Variants in DMD observed in about 807,000 individuals in gnomAD.
The protein encoded by DMD is dystrophin, also known as mutant dystrophin.
Under a neutral mutation model 330.1 loss-of-function variants are expected in DMD, and 63 were observed. That is an observed-to-expected ratio of 0.19 (90% CI 0.16 to 0.24). The LOEUF (loss-of-function observed/expected upper bound fraction) is 0.24, where lower values mean the gene tolerates loss of function less well. Ranked by LOEUF, DMD falls within the 10% of genes least tolerant of loss-of-function variation. The pLI, the probability that DMD is intolerant of heterozygous loss-of-function variation, is 1.00. For synonymous variants in DMD, 1,223 were observed against 959.8 expected, an observed-to-expected ratio of 1.27 and a Z score of -5.07; for missense variants, 3,344 against 2,684.1, an observed-to-expected ratio of 1.25 and a Z score of -5.43.
At chrX:31,446,160 T>A (rs913520455) in intron 59 of DMD, among the ~76,000 whole-genome samples, 3 of 112,467 alleles carry the variant, frequency 2.7e-5, no homozygotes, top group Non-Finnish European at 5.6e-5. Context: ...GAATACTTCA[T>A]CAGTAAACCG....
intron 2 of DMD, among the ~76,000 whole-genome samples, chrX:32,931,381 T>C (rs777701707): frequency 2.5e-4 from 28 of 111,605 alleles, no homozygotes; most frequent in Non-Finnish European, 4.9e-4. Context: ...ATTTAGATCA[T>C]TACATTGCAT....
At chrX:32,255,159 C>T (rs926756926) in intron 43 of DMD, among the ~76,000 whole-genome samples, 1 of 111,895 alleles carries the variant, frequency 8.9e-6, no homozygotes, top group Admixed American at 9.5e-5. Context: ...GGATACACCA[C>T]GTTTTGTTTC....
At chrX:32,343,762 A>G (rs777667118) in intron 39 of DMD, among the ~76,000 whole-genome samples, 1 of 112,096 alleles carries the variant, frequency 8.9e-6, no homozygotes, top group South Asian at 3.7e-4. Flanking sequence ...TGTTTTTAGA[A>G]ATGCCTACAT....
chrX:31,820,184 T>C (rs1454696380), intron 49 of DMD, 101 bp from the exon 50 acceptor site: 1 of 696,829 alleles, frequency 1.4e-6, no homozygotes, highest in Non-Finnish European at 2.2e-6. Context: ...GGATTTCTAT[T>C]ATATTTTACT....
chrX:31,165,582 C>T (rs2039329223), intron 74 of DMD, among the ~76,000 whole-genome samples: 1 of 111,331 alleles, frequency 9.0e-6, no homozygotes, highest in Admixed American at 9.5e-5. Context: ...GAGACAAATA[C>T]ATCTCTGTAT....
intron 1 of DMD, among the ~76,000 whole-genome samples, chrX:33,129,858 TGTC>T (rs1338351593): frequency 8.9e-6 from 1 of 112,001 alleles, no homozygotes; most frequent in Non-Finnish European, 1.9e-5. Flanking sequence ...CATTACTCAT[TGTC>T]GTACTGCTTA....
chrX:33,107,344 GCAA>G (rs1389420538), intron 1 of DMD, among the ~76,000 whole-genome samples: 1 of 53,290 alleles, frequency 1.9e-5, no homozygotes, highest in East Asian at 7.9e-4. Context: ...AAAAAAAACA[GCAA>G]CAACAACAAA....
At chrX:31,889,675 A>ACG (rs2094212385) in intron 47 of DMD, among the ~76,000 whole-genome samples, 4 of 77,199 alleles carry the variant, frequency 5.2e-5, no homozygotes, top group Non-Finnish European at 1.0e-4. Flanking sequence ...ACACACACAC[A>ACG]CACACACGCA....
At chrX:31,831,684 T>C (rs193067484) in intron 49 of DMD, among the ~76,000 whole-genome samples, 9,181 of 111,079 alleles carry the variant, frequency 0.083, 324 homozygotes, top group East Asian at 0.24. Context: ...CTGCAAGCTC[T>C]GCCTCCCGGG....
In DMD at chrX:32,008,490, T is replaced by A. The variant is rs146639160; in HGVS notation, c.6439-39976A>T. ...AGGATTAAAAAAAATTACCTGAATT[T>A]ACACAGTATGTGTGGATGTAAACAA... On this transcript the variant is annotated intron_variant, in intron 44 of 78. Coordinates refer to ENST00000357033, the MANE Select transcript of DMD (RefSeq NM_004006.3). Among the ~76,000 whole-genome samples the A allele has an allele frequency of 4.9e-3, 548 of 111,914 alleles. 3 individuals carry two copies. The highest frequency in any genetic ancestry group is 7.9e-3 in the Non-Finnish European group (421 of 53,128).
chrX:31,846,055 G>A (rs1474084943), intron 48 of DMD, among the ~76,000 whole-genome samples: 1 of 110,311 alleles, frequency 9.1e-6, no homozygotes, highest in Non-Finnish European at 1.9e-5. Context: ...AGAAAAGATA[G>A]AAAGAGCAGA....
At chrX:31,122,649 A>T (rs17340533) in intron 78 of DMD, among the ~76,000 whole-genome samples, 1 of 111,799 alleles carries the variant, frequency 8.9e-6, no homozygotes, top group Non-Finnish European at 1.9e-5. Context: ...TTTACATTCC[A>T]AATTACTCTA....
intron 55 of DMD, among the ~76,000 whole-genome samples, chrX:31,570,967 A>G (rs1190822436): frequency 1.8e-5 from 2 of 111,805 alleles, no homozygotes; most frequent in African/African-American, 6.5e-5. Flanking sequence ...TCAATTTTTT[A>G]TGATGTTTTT....
intron 16 of DMD, among the ~76,000 whole-genome samples, chrX:32,550,633 G>T (rs957829083): frequency 9.1e-6 from 1 of 109,967 alleles, no homozygotes; most frequent in East Asian, 2.8e-4. Flanking sequence ...AACCAAAATC[G>T]GAGCTGAACT....
intron 29 of DMD, among the ~76,000 whole-genome samples, chrX:32,421,322 G>T (rs1449707464): frequency 9.0e-6 from 1 of 111,731 alleles, no homozygotes; most frequent in Non-Finnish European, 1.9e-5. Context: ...CCTCCAAGTT[G>T]TTAGGATAGA....
intron 29 of DMD, among the ~76,000 whole-genome samples, chrX:32,427,530 C>T (rs2098218117): frequency 9.1e-6 from 1 of 110,478 alleles, no homozygotes; most frequent in Admixed American, 9.7e-5. Flanking sequence ...ATCCAGTTGG[C>T]CAATAATTTG....
intron 47 of DMD, among the ~76,000 whole-genome samples, chrX:31,906,715 AT>A (rs199772325): frequency 0.031 from 3,461 of 112,209 alleles, 140 homozygotes; most frequent in African/African-American, 0.11. Context: ...CTTGTATAAC[AT>A]AAGTCATCTA....
chrX:32,731,970 C>T (rs185551738), intron 7 of DMD, among the ~76,000 whole-genome samples: 1,278 of 111,354 alleles, frequency 0.011, 33 homozygotes, highest in African/African-American at 0.038. Context: ...CTCTGAGCTA[C>T]GGGAGGACAT....
At position 32,993,621 on chromosome X, in the gene DMD, A is replaced by C. The variant is rs746511537; in HGVS notation, c.93+26518T>G. Reference sequence around the variant, plus strand: ...CTCAAAAAAAGGAAAAAAAAAAACAAATAGAAAAGAATGAAATAAAATTAT... The same window carrying C: ...CTCAAAAAAAGGAAAAAAAAAAACACATAGAAAAGAATGAAATAAAATTAT... On this transcript the variant is annotated intron_variant, in intron 2 of 78. Transcript: ENST00000357033. 2.7e-5 allele frequency among the ~76,000 whole-genome samples: 3 copies of C among 110,539 alleles called. No individual in the cohort carries two copies. In the East Asian group the frequency reaches 8.6e-4, roughly 32 times the overall value.
Sources: allele counts gnomAD v4.1 joint callset (sites outside exome capture counted in the v4.1 genomes callset), GRCh38; gene constraint gnomAD v4.1.1; transcripts MANE v1.5; gene names NCBI Gene and HGNC (gene_info 2026-07-23, HGNC 2026-07-21).